The following SLC30A6 variants were observed in gnomAD, a reference collection of about 807,000 sequenced individuals.
SLC30A6 encodes the protein solute carrier family 30 member 6, also known as zinc transporter 6.
SLC30A6 carries 55 observed loss-of-function variants against 63.0 expected under a neutral mutation model. The observed-to-expected ratio is 0.87, with a 90% CI of 0.70 to 1.09. The LOEUF (loss-of-function observed/expected upper bound fraction) is 1.09, where lower values mean the gene tolerates loss of function less well. Ranked by LOEUF, SLC30A6 falls within the 50% of genes least tolerant of loss-of-function variation. The pLI is 0.00. For synonymous variants in SLC30A6, 224 were observed against 186.1 expected, an observed-to-expected ratio of 1.20 and a Z score of -1.66; for missense variants, 587 against 549.2, an observed-to-expected ratio of 1.07 and a Z score of -0.69.
In SLC30A6 at chr2:32,220,616, T is replaced by A. The variant is rs1202785003; in HGVS notation, c.1289T>A (p.Val430Asp). 1 of 1,614,168 alleles carries A rather than the reference T, an allele frequency of 6.2e-7. No homozygotes were observed. The highest frequency in any genetic ancestry group is 8.5e-7 in the Non-Finnish European group (1 of 1,180,030). ...YSSMLNQGLG[V>D]PGIGATQGLR... ...AGCATGCTTAATCAAGGACTTGGAG[T>A]TCCAGGAATTGGAGCAACTCAAGGA... Residue 430 changes from valine to aspartate, a missense_variant, in exon 14 of 14, where the codon GTT becomes GAT. Transcript: ENST00000282587.
chr2:32,215,268 C>T (rs907760220), intron 13 of SLC30A6, among the ~76,000 whole-genome samples: 1 of 152,006 alleles, frequency 6.6e-6, no homozygotes, highest in Non-Finnish European at 1.5e-5. Context: ...GATCTTGGCT[C>T]ACTGCAACAT....
intron 5 of SLC30A6, among the ~76,000 whole-genome samples, chr2:32,185,267 G>A (rs1345654391): frequency 6.6e-6 from 1 of 151,970 alleles, no homozygotes; most frequent in South Asian, 2.1e-4. Flanking sequence ...AAGCTGAGGT[G>A]GGAGGATTGC....
chr2:32,175,702 G>A (rs569262710), intron 4 of SLC30A6, among the ~76,000 whole-genome samples: 1 of 152,228 alleles, frequency 6.6e-6, no homozygotes, highest in East Asian at 1.9e-4. Flanking sequence ...GAGAGCAGGT[G>A]GGGCGGCTCA....
chr2:32,174,085 G>A lies in SLC30A6; in HGVS notation c.113G>A (p.Gly38Asp), dbSNP rs776434543. The change falls in exon 3 of 14, where the codon GGT (glycine) becomes GAT (aspartate). Residue 38 changes from glycine to aspartate, a missense_variant. Transcript: ENST00000282587. ...CAGTCCTGGAAGATACTGCTCTTTG[G>A]TGTAATAAACTTGATATGTACTGGC... ...DRRSWKILLFGVINLICTGFL... is the reference protein window; with the variant it reads ...DRRSWKILLFDVINLICTGFL... 1 of 1,613,544 alleles carries A rather than the reference G, an allele frequency of 6.2e-7. No homozygotes were observed. Among genetic ancestry groups the A allele is most frequent in the East Asian group, 2.2e-5 (1 of 44,788 alleles).
At chr2:32,204,841 C>G (rs185035333) in intron 11 of SLC30A6, 149 bp downstream of exon 11, 235 of 232,088 alleles carry the variant, frequency 1.0e-3, no homozygotes, top group Middle Eastern at 3.2e-3. Context: ...AGAGACAGGT[C>G]CTTGCTCTGT....
In SLC30A6 at chr2:32,192,387, G is replaced by C. The variant is rs751516969; in HGVS notation, c.336G>C (p.Gln112His). The change falls in exon 6 of 14, where the codon CAG becomes CAC. Residue 112 changes from glutamine (Q) to histidine (H), a missense_variant. Physicochemically the swap from Gln to His is conservative, Grantham distance 24. Transcript: ENST00000282587. ...TATTTGCCTCCACAGTCTTGGCACA[G>C]TTGGGAGCTCTCTTTATATTAAAAG... ...LAVFASTVLA[Q>H]LGALFILKES... 6.2e-7 allele frequency: 1 copy of C among 1,613,990 alleles called. No homozygotes were observed. The highest frequency in any genetic ancestry group is 2.2e-5 in the East Asian group (1 of 44,870).
chr2:32,191,751 G>T (rs1464691299), intron 5 of SLC30A6, among the ~76,000 whole-genome samples: 18 of 152,122 alleles, frequency 1.2e-4, no homozygotes, highest in East Asian at 3.8e-4. Flanking sequence ...TGAGCCAAGT[G>T]TGGTGGCACA....
intron 12 of SLC30A6, among the ~76,000 whole-genome samples, 197 bp from the exon 13 acceptor site, chr2:32,209,296 G>A (rs149431399): frequency 6.6e-6 from 1 of 152,316 alleles, no homozygotes; most frequent in East Asian, 1.9e-4. Flanking sequence ...AAGAAACGAG[G>A]AAAGCAAGGT....
chr2:32,215,895 G>A (rs1334159168), intron 13 of SLC30A6, among the ~76,000 whole-genome samples: 2 of 151,796 alleles, frequency 1.3e-5, no homozygotes, highest in Non-Finnish European at 2.9e-5. Context: ...GTCTTGCTAT[G>A]TGGTCCAGGC....
chr2:32,217,483 A>C (rs1685808706), intron 13 of SLC30A6, among the ~76,000 whole-genome samples: 1 of 152,146 alleles, frequency 6.6e-6, no homozygotes, highest in African/African-American at 2.4e-5. Context: ...TTATAGTTTG[A>C]ATTCAGGTAA....
chr2:32,199,886 G>A (rs1452762793), intron 10 of SLC30A6, among the ~76,000 whole-genome samples: 4 of 152,120 alleles, frequency 2.6e-5, no homozygotes, highest in South Asian at 2.1e-4. Context: ...AAGCCGAGGC[G>A]GCTGGGTCGC....
rs767253765 is a variant in SLC30A6, at chr2:32,174,127, G to A, written c.155G>A (p.Cys52Tyr). 3 of 1,613,170 alleles carry A rather than the reference G, an allele frequency of 1.9e-6. No individual in the cohort carries two copies. Among genetic ancestry groups the A allele is most frequent in the African/African-American group, 1.3e-5 (1 of 74,868 alleles). ...TGTACTGGCTTCCTGCTTATGTGGT[G>A]CAGTTCTACTAATAGTATAGGTATG... is the stretch of plus-strand genomic sequence containing the variant. ...LICTGFLLMW[C>Y]SSTNSIALTA... Residue 52 changes from cysteine (C) to tyrosine (Y), a missense_variant, in exon 3 of 14, where the codon TGC becomes TAC. Cys to Tyr is a radical substitution (Grantham distance 194). Coordinates refer to ENST00000282587, the MANE Select transcript of SLC30A6 (RefSeq NM_017964.5).
rs776053076 is a variant in SLC30A6, at chr2:32,220,291, A to G, written c.964A>G (p.Thr322Ala). 5 of 1,614,136 alleles carry G rather than the reference A, an allele frequency of 3.1e-6. No individual in the cohort carries two copies. Among genetic ancestry groups the G allele is most frequent in the Admixed American group, 1.7e-5 (1 of 60,016 alleles). The change falls in exon 14 of 14, where the codon ACT (threonine) becomes GCT (alanine). Residue 322 changes from threonine (T) to alanine (A), a missense_variant. Physicochemically the swap from Thr to Ala is moderately conservative, Grantham distance 58 (BLOSUM62 0). Transcript: ENST00000282587. ...VLAHVTNRLY[T>A]LVSTLTVQIF... Reference sequence around the variant, plus strand: ...TGCTCATGTGACCAACAGGCTGTACACTCTAGTGTCTACTCTAACTGTTCA... The same window carrying G: ...TGCTCATGTGACCAACAGGCTGTACGCTCTAGTGTCTACTCTAACTGTTCA...
chr2:32,180,243 A>C (rs528735939), intron 4 of SLC30A6, among the ~76,000 whole-genome samples: 33 of 152,150 alleles, frequency 2.2e-4, no homozygotes, highest in African/African-American at 7.7e-4. Flanking sequence ...CTCTACAAAA[A>C]ATTTTAAAAA....
At chr2:32,178,016 TG>T (rs1210378252) in intron 4 of SLC30A6, among the ~76,000 whole-genome samples, 22 of 150,966 alleles carry the variant, frequency 1.5e-4, no homozygotes, top group African/African-American at 5.1e-4. Flanking sequence ...GGCGCGATCT[TG>T]GCTCACTGCA....
At chr2:32,186,057 GAC>G (rs780347558) in intron 5 of SLC30A6, among the ~76,000 whole-genome samples, 4 of 150,834 alleles carry the variant, frequency 2.7e-5, no homozygotes, top group Admixed American at 6.6e-5. Context: ...GTGTGTGTGT[GAC>G]AGTTTTGCTG....
At chr2:32,215,360 A>G (rs1485485296) in intron 13 of SLC30A6, among the ~76,000 whole-genome samples, 1 of 151,484 alleles carries the variant, frequency 6.6e-6, no homozygotes, top group Non-Finnish European at 1.5e-5. Flanking sequence ...ACGCCTGGCT[A>G]ATTTTTGTAT....
chr2:32,199,789 C>T (rs1217521320), intron 10 of SLC30A6, among the ~76,000 whole-genome samples: 2 of 152,104 alleles, frequency 1.3e-5, no homozygotes, highest in African/African-American at 4.8e-5. Context: ...ATTTCTAATT[C>T]GTCTCCAAGC....
chr2:32,197,926 G>T, intron 10 of SLC30A6, 100 bp downstream of exon 10: 1 of 1,405,372 alleles, frequency 7.1e-7, no homozygotes, highest in Non-Finnish European at 9.7e-7. Context: ...TAGCAGTTTC[G>T]CTTATGTCCT....
Sources: gnomAD v4.1 joint callset for allele counts (sites outside exome capture counted in the v4.1 genomes callset) on GRCh38, gnomAD v4.1.1 for gene constraint, MANE v1.5 for transcripts, NCBI Gene and HGNC (gene_info 2026-07-23, HGNC 2026-07-21) for gene names.